Variants in EGFLAM observed in about 807,000 individuals in gnomAD.
EGFLAM encodes EGF like, fibronectin type III and laminin G domains, also known as pikachurin.
In EGFLAM, 79 loss-of-function variants were observed where a neutral mutation model predicts 113.1. That is an observed-to-expected ratio of 0.70 (90% CI 0.58 to 0.84). EGFLAM has a LOEUF of 0.84. Ranked by LOEUF, EGFLAM falls within the 40% of genes least tolerant of loss-of-function variation. The probability of loss-of-function intolerance (pLI) is 0.00; values close to 1 mark genes in which losing one functional copy is unlikely to be tolerated. For synonymous variants in EGFLAM, 504 were observed against 487.6 expected, an observed-to-expected ratio of 1.03 and a Z score of -0.44; for missense variants, 1,265 against 1,291.6, an observed-to-expected ratio of 0.98 and a Z score of 0.32.
chr5:38,400,882 G>C (rs1741093164), intron 6 of EGFLAM, among the ~76,000 whole-genome samples: 1 of 152,124 alleles, frequency 6.6e-6, no homozygotes, highest in Non-Finnish European at 1.5e-5. Flanking sequence ...TGTTGTGTTA[G>C]CTGATCCCTG....
chr5:38,370,352 T>C lies in EGFLAM; in HGVS notation c.602T>C (p.Met201Thr), dbSNP rs750784055. The change falls in exon 6 of 22, where the codon ATG becomes ACG. Residue 201 changes from methionine to threonine, a missense_variant. Transcript: ENST00000322350. ...CATGAGCGGATCCAGATGGACTCCA[T>C]GGTTATCAAGGGCCTCGATCCAGAT... ...SIHERIQMDS[M>T]VIKGLDPDTN... 1.4e-5 allele frequency: 22 copies of C among 1,614,176 alleles called. No individual in the cohort carries two copies. The highest frequency in any genetic ancestry group is 1.6e-5 in the Non-Finnish European group (19 of 1,180,030).
At chr5:38,419,163 G>A (rs1360275082) in intron 12 of EGFLAM, among the ~76,000 whole-genome samples, 2 of 152,010 alleles carry the variant, frequency 1.3e-5, no homozygotes, top group Middle Eastern at 3.2e-3. Flanking sequence ...GACACCAATC[G>A]GACTGGATTA....
intron 1 of EGFLAM, among the ~76,000 whole-genome samples, chr5:38,319,928 AAC>A (rs1450799764): frequency 6.6e-6 from 1 of 152,250 alleles, no homozygotes; most frequent in Non-Finnish European, 1.5e-5. Flanking sequence ...AGAGATTGGA[AAC>A]ACTGCCTAGG....
intron 6 of EGFLAM, among the ~76,000 whole-genome samples, chr5:38,378,689 A>G (rs1740429766): frequency 6.6e-6 from 1 of 152,194 alleles, no homozygotes; most frequent in African/African-American, 2.4e-5. Context: ...TGTACCTTTG[A>G]ACAGAGCAGA....
chr5:38,276,634 A>T (rs996613745), intron 1 of EGFLAM, among the ~76,000 whole-genome samples: 1 of 152,122 alleles, frequency 6.6e-6, no homozygotes, highest in Non-Finnish European at 1.5e-5. Context: ...CAAAACAAAG[A>T]GTTGGTTTTT....
chr5:38,337,721 C>A, intron 2 of EGFLAM, 92 bp downstream of exon 2: 1 of 1,065,232 alleles, frequency 9.4e-7, no homozygotes, highest in Non-Finnish European at 1.4e-6. Context: ...TCTGTCCTTC[C>A]ATATCAATAA....
At chr5:38,272,454 A>G (rs1214205017) in intron 1 of EGFLAM, among the ~76,000 whole-genome samples, 1 of 152,222 alleles carries the variant, frequency 6.6e-6, no homozygotes, top group Admixed American at 6.5e-5. Flanking sequence ...TTGCGGGAAA[A>G]GGATAAAGCT....
intron 6 of EGFLAM, among the ~76,000 whole-genome samples, chr5:38,390,643 T>A (rs1740784280): frequency 6.6e-6 from 1 of 152,212 alleles, no homozygotes; most frequent in Non-Finnish European, 1.5e-5. Flanking sequence ...CTCCACATCC[T>A]TGTCAACACT....
At chr5:38,317,874 A>G (rs564659227) in intron 1 of EGFLAM, among the ~76,000 whole-genome samples, 23 of 152,288 alleles carry the variant, frequency 1.5e-4, no homozygotes, top group African/African-American at 5.3e-4. Context: ...TTCCTAAGGC[A>G]GGTGTAGATT....
intron 3 of EGFLAM, among the ~76,000 whole-genome samples, chr5:38,349,639 A>G (rs1321050482): frequency 6.6e-6 from 1 of 152,094 alleles, no homozygotes; most frequent in Non-Finnish European, 1.5e-5. Context: ...CCCACCGATC[A>G]GACCCAGGCT....
chr5:38,376,067 T>TC (rs1740356703), intron 6 of EGFLAM, among the ~76,000 whole-genome samples: 1 of 152,070 alleles, frequency 6.6e-6, no homozygotes, highest in Non-Finnish European at 1.5e-5. Flanking sequence ...ATTTTTTTTT[T>TC]CCCTGCAAGA....
intron 6 of EGFLAM, chr5:38,400,054 A>G (rs1303160443): frequency 6.6e-6 from 1 of 152,208 alleles, no homozygotes; most frequent in Non-Finnish European, 1.5e-5. Flanking sequence ...TAGTGCTGGA[A>G]AGGTTTTCAA....
chr5:38,314,087 ATCT>A (rs1561274372), intron 1 of EGFLAM, among the ~76,000 whole-genome samples: 1 of 152,204 alleles, frequency 6.6e-6, no homozygotes, highest in African/African-American at 2.4e-5. Context: ...AATGAGGAGA[ATCT>A]TCTTGTTTTA....
rs563087548 is a variant in EGFLAM, at chr5:38,281,726, C to T, written c.97+22875C>T. Among the ~76,000 whole-genome samples, 3 of 152,260 alleles carry T rather than the reference C, an allele frequency of 2.0e-5. No individual in the cohort carries two copies. The South Asian group carries it at 6.2e-4, about 32-fold the overall frequency. ...GGTGAAATGGGGCCAGAAAATTAAC[C>T]TTCCACATGATTTACCACCTTCTCC... On this transcript the variant is annotated intron_variant, in intron 1 of 21. Transcript: ENST00000322350.
At chr5:38,354,360 C>T (rs1739707703) in intron 5 of EGFLAM, among the ~76,000 whole-genome samples, 1 of 152,148 alleles carries the variant, frequency 6.6e-6, no homozygotes, top group Non-Finnish European at 1.5e-5. Context: ...CAAAACTTAA[C>T]ATTTATAATT....
chr5:38,295,866 G>A (rs1481421261), intron 1 of EGFLAM, among the ~76,000 whole-genome samples: 1 of 152,196 alleles, frequency 6.6e-6, no homozygotes, highest in Admixed American at 6.5e-5. Flanking sequence ...ATATCACAGT[G>A]TAAGTAGTAC....
At chr5:38,403,823 C>T in intron 6 of EGFLAM, 1 of 1,613,540 alleles carries the variant, frequency 6.2e-7, no homozygotes, top group Non-Finnish European at 8.5e-7. Flanking sequence ...TCCTCAAGGG[C>T]CTTTTGTGTG....
At chr5:38,387,935 G>T (rs765544675) in intron 6 of EGFLAM, among the ~76,000 whole-genome samples, 33 of 152,138 alleles carry the variant, frequency 2.2e-4, no homozygotes, top group Non-Finnish European at 4.0e-4. Context: ...GTCTTTGCCT[G>T]ACCTTATATA....
chr5:38,346,224 A>G (rs894508670), intron 3 of EGFLAM, among the ~76,000 whole-genome samples: 2 of 152,358 alleles, frequency 1.3e-5, no homozygotes, highest in African/African-American at 4.8e-5. Flanking sequence ...TTTCAGTGGT[A>G]ACATTTAAAT....
Sources: allele counts gnomAD v4.1 joint callset (sites outside exome capture counted in the v4.1 genomes callset), GRCh38; gene constraint gnomAD v4.1.1; transcripts MANE v1.5; gene names NCBI Gene and HGNC (gene_info 2026-07-23, HGNC 2026-07-21).